Variants in CYP46A1 observed in about 807,000 individuals in gnomAD.
The protein encoded by CYP46A1 is cytochrome P450 family 46 subfamily A member 1.
Under a neutral mutation model 63.3 loss-of-function variants are expected in CYP46A1, and 20 were observed. The observed-to-expected ratio is 0.32, with a 90% CI of 0.22 to 0.46. CYP46A1 has a LOEUF of 0.46. CYP46A1 is among the 20% of genes least tolerant of loss of function. The pLI is 1.00. For missense variants in CYP46A1, 445 were observed against 670.8 expected (o/e 0.66, Z 3.72); for synonymous variants, 268 against 273.6 (o/e 0.98, Z 0.20).
At chr14:99,709,754 C>T (rs1265186820) in intron 7 of CYP46A1, 1 of 152,088 alleles carries the variant, frequency 6.6e-6, no homozygotes, top group Admixed American at 6.5e-5. Flanking sequence ...AGATTCAACC[C>T]AAAAAGGTCT....
intron 3 of CYP46A1, 144 bp downstream of exon 3, chr14:99,692,005 C>T (rs564242911): frequency 1.3e-6 from 1 of 793,820 alleles, no homozygotes; most frequent in East Asian, 2.6e-5. Flanking sequence ...AAAGGAATGG[C>T]ATCTTTCCCT....
Position 99,725,589 on chromosome 14 carries a change from T to A in CYP46A1, c.1265+110T>A. 1 of 760,686 alleles carries A rather than the reference T, an allele frequency of 1.3e-6. No homozygotes were observed. Among genetic ancestry groups the A allele is most frequent in the Non-Finnish European group, 2.3e-6 (1 of 441,176 alleles). The allele number at this position is 760,686 out of a possible 1,614,324, so 47.1% of individuals were successfully genotyped here. A position where few individuals can be genotyped will look rare whatever the true frequency, so the allele number is the denominator to read the frequency against. On this transcript the variant is annotated intron_variant, in intron 13 of 14. Transcript: ENST00000261835. This position sits in a 1 kb window ranked among gnomAD's most constrained non-coding sequence, Gnocchi z 4.2. ...CACTCAGCCCACATAGCCTTCCAGA[T>A]CCCTGTGAGGTGGTTGTGGAGGAAA...
intron 9 of CYP46A1, 53 bp downstream of exon 9, chr14:99,716,252 G>A (rs922419711): frequency 1.3e-6 from 2 of 1,585,352 alleles, no homozygotes; most frequent in African/African-American, 1.3e-5. Flanking sequence ...AAATGCTGTG[G>A]ACCATGGATC....
chr14:99,703,688 G>A (rs2056651017), intron 5 of CYP46A1: 2 of 976,468 alleles, frequency 2.0e-6, no homozygotes, highest in South Asian at 4.7e-5. Context: ...CACACCCAAT[G>A]TAGTGCTTCC....
intron 7 of CYP46A1, chr14:99,710,114 T>C (rs2056716284): frequency 6.6e-6 from 1 of 152,144 alleles, no homozygotes; most frequent in African/African-American, 2.4e-5. Flanking sequence ...GGACAATCTC[T>C]ATCATCATGA....
chr14:99,721,807 A>C (rs2273840), intron 11 of CYP46A1, 149 bp from the exon 12 acceptor site: 43,652 of 569,528 alleles, frequency 0.077, 1,934 homozygotes, highest in East Asian at 0.14. Context: ...GGTGAGGCTG[A>C]TGTCCCAGGG....
At chr14:99,724,986 T>G (rs141958308) in intron 12 of CYP46A1, among the ~76,000 whole-genome samples, 180 of 152,288 alleles carry the variant, frequency 1.2e-3, no homozygotes, top group African/African-American at 4.2e-3. Context: ...ATAACAGTTC[T>G]CGGGATCTAG....
chr14:99,726,906 G>A lies in CYP46A1; in HGVS notation c.*179G>A, dbSNP rs1292330565. On this transcript the variant is annotated 3_prime_UTR_variant, in exon 15 of 15. Coordinates refer to ENST00000261835, the MANE Select transcript of CYP46A1 (RefSeq NM_006668.2). Reference sequence around the variant, plus strand: ...CCCCTCAGCGCTCCCTGTCGCCTGCGGACTCCATGGCCCTTCCTGGACTGG... The same window carrying A: ...CCCCTCAGCGCTCCCTGTCGCCTGCAGACTCCATGGCCCTTCCTGGACTGG... 13 of 498,730 alleles carry A rather than the reference G, an allele frequency of 2.6e-5. No homozygotes were observed. The highest frequency in any genetic ancestry group is 4.0e-5 in the South Asian group (1 of 24,858). The allele number at this position is 498,730 out of a possible 1,614,324, so 30.9% of individuals were successfully genotyped here. A position where few individuals can be genotyped will look rare whatever the true frequency, so the allele number is the denominator to read the frequency against.
At chr14:99,723,051 C>A (rs542320061) in intron 12 of CYP46A1, 1 of 345,428 alleles carries the variant, frequency 2.9e-6, no homozygotes, top group African/African-American at 2.1e-5. Flanking sequence ...TGCTGTTCTT[C>A]ATCATCTCCA....
At chr14:99,702,970 A>T (rs1413096487) in intron 5 of CYP46A1, among the ~76,000 whole-genome samples, 2 of 152,092 alleles carry the variant, frequency 1.3e-5, no homozygotes, top group Non-Finnish European at 2.9e-5. Flanking sequence ...AGCCCCCTTT[A>T]TTCTAGAACA....
intron 3 of CYP46A1, among the ~76,000 whole-genome samples, chr14:99,696,705 G>T: frequency 6.6e-6 from 1 of 152,098 alleles, no homozygotes; most frequent in East Asian, 1.9e-4. Context: ...GTTCTTGTCT[G>T]CTAGTTCTAT....
chr14:99,717,202 C>A (rs1388532128), intron 9 of CYP46A1, among the ~76,000 whole-genome samples: 1 of 152,090 alleles, frequency 6.6e-6, no homozygotes, highest in Non-Finnish European at 1.5e-5. Context: ...AAAATGGGGG[C>A]CTTGAGGAGC....
intron 1 of CYP46A1, among the ~76,000 whole-genome samples, chr14:99,687,405 G>A (rs1357085201): frequency 1.3e-5 from 2 of 152,202 alleles, no homozygotes; most frequent in Non-Finnish European, 2.9e-5. Flanking sequence ...CCAGTTGCTG[G>A]GGTGGGGCTG....
chr14:99,726,954 C>T lies in CYP46A1; in HGVS notation c.*227C>T. ...TGGCCCTTGCCCAACTCCCAGCCAC[C>T]ACCACTGTCCCTACCACTGAGCCCT... On this transcript the variant is annotated 3_prime_UTR_variant, in exon 15 of 15. Coordinates refer to ENST00000261835, the MANE Select transcript of CYP46A1 (RefSeq NM_006668.2). 7.0e-6 allele frequency: 3 copies of T among 428,692 alleles called. No homozygotes were observed. Among genetic ancestry groups the T allele is most frequent in the Non-Finnish European group, 8.2e-6 (2 of 244,014 alleles). The allele number at this position is 428,692 out of a possible 1,614,324, so 26.6% of individuals were successfully genotyped here. A position where few individuals can be genotyped will look rare whatever the true frequency, so the allele number is the denominator to read the frequency against.
rs571117053 is a variant in CYP46A1, at chr14:99,709,162, A to G, written c.693+1484A>G. On this transcript the variant is annotated intron_variant, in intron 7 of 14. Transcript: ENST00000261835. ...AACATGGAAAAAGCAAGGAAATACT[A>G]TACCTTCAAAGAAACAATAACTCTC... 2.4e-4 allele frequency: 36 copies of G among 152,370 alleles called. 1 individual carries two copies. The highest frequency in any genetic ancestry group is 7.9e-4 in the African/African-American group (33 of 41,584). The allele number at this position is 152,370 out of a possible 1,614,324, so 9.4% of individuals were successfully genotyped here.
intron 9 of CYP46A1, among the ~76,000 whole-genome samples, chr14:99,717,106 C>T (rs2056797335): frequency 6.6e-6 from 1 of 152,154 alleles, no homozygotes; most frequent in Admixed American, 6.5e-5. Flanking sequence ...CTTGCGGAAC[C>T]AATGGCTGGT....
chr14:99,711,484 A>C (rs1045021531), intron 7 of CYP46A1: 5 of 152,126 alleles, frequency 3.3e-5, no homozygotes, highest in African/African-American at 1.2e-4. Flanking sequence ...AAGGAACATT[A>C]CAGATTTTTA....
chr14:99,714,339 C>T (rs1000530880), intron 7 of CYP46A1, among the ~76,000 whole-genome samples: 1 of 152,128 alleles, frequency 6.6e-6, no homozygotes, highest in Non-Finnish European at 1.5e-5. Context: ...AAGAGAACTA[C>T]CATATGATTC....
intron 10 of CYP46A1, among the ~76,000 whole-genome samples, chr14:99,719,378 A>ATTTTTTTTT (rs55679517): frequency 2.6e-4 from 37 of 142,598 alleles, no homozygotes; most frequent in African/African-American, 8.8e-4. Context: ...CACCTGGCTA[A>ATTTTTTTTT]TTTTTTTTTT....
Sources: gnomAD v4.1 joint callset for allele counts (sites outside exome capture counted in the v4.1 genomes callset) on GRCh38, gnomAD v4.1.1 for gene constraint, Gnocchi (gnomAD v3.1) non-coding constraint, MANE v1.5 for transcripts, NCBI Gene and HGNC (gene_info 2026-07-23, HGNC 2026-07-21) for gene names.